NEK7: variants seen among roughly 807,000 people sequenced by gnomAD.
NEK7 encodes serine/threonine-protein kinase Nek7.
Under a neutral mutation model 44.6 loss-of-function variants are expected in NEK7, and 18 were observed. The ratio of observed to expected loss-of-function variants is 0.40; its 90% confidence interval spans 0.28 to 0.60. NEK7 has a LOEUF of 0.60. NEK7 is among the 20% of genes least tolerant of loss of function. The probability of loss-of-function intolerance (pLI) is 0.38; values close to 1 mark genes in which losing one functional copy is unlikely to be tolerated. For missense variants in NEK7, 256 were observed against 366.5 expected (o/e 0.70, Z 2.46); for synonymous variants, 130 against 121.1 (o/e 1.07, Z -0.48).
intron 8 of NEK7, among the ~76,000 whole-genome samples, chr1:198,293,470 A>G (rs1654619930): frequency 6.6e-6 from 1 of 151,916 alleles, no homozygotes; most frequent in South Asian, 2.1e-4. Flanking sequence ...TAAGGATAGT[A>G]TGCAAACAGA....
At chr1:198,227,810 C>G (rs1182075291) in intron 1 of NEK7, among the ~76,000 whole-genome samples, 1 of 152,122 alleles carries the variant, frequency 6.6e-6, no homozygotes, top group African/African-American at 2.4e-5. Context: ...TTCTCCCATT[C>G]TGTAGGCTGC....
chr1:198,256,182 C>A, intron 3 of NEK7: 1 of 944,486 alleles, frequency 1.1e-6, no homozygotes, highest in Non-Finnish European at 1.5e-6. Flanking sequence ...TCATTCATTT[C>A]TCTGCTTACA....
chr1:198,221,965 G>GT (rs1263928842), intron 1 of NEK7, among the ~76,000 whole-genome samples: 1 of 151,164 alleles, frequency 6.6e-6, no homozygotes, highest in Non-Finnish European at 1.5e-5. Context: ...GTTGAGAACT[G>GT]TATCATTTGT....
intron 9 of NEK7, among the ~76,000 whole-genome samples, chr1:198,318,386 T>C (rs1367359543): frequency 6.6e-6 from 1 of 152,182 alleles, no homozygotes; most frequent in African/African-American, 2.4e-5. Flanking sequence ...ATTAGCCTTC[T>C]CCATAGCACT....
intron 1 of NEK7, among the ~76,000 whole-genome samples, chr1:198,219,619 G>A (rs6691189): frequency 0.34 from 51,042 of 151,604 alleles, 9,835 homozygotes; most frequent in East Asian, 0.8. Context: ...ATACTATTCC[G>A]GTGACAGGTG....
chr1:198,273,353 T>C (rs1164330684), intron 5 of NEK7, among the ~76,000 whole-genome samples: 1 of 151,776 alleles, frequency 6.6e-6, no homozygotes, highest in Non-Finnish European at 1.5e-5. Context: ...TTTCCCACAA[T>C]TATGTATAGC....
chr1:198,224,257 T>C (rs1374712570), intron 1 of NEK7, among the ~76,000 whole-genome samples: 2 of 152,078 alleles, frequency 1.3e-5, no homozygotes, highest in African/African-American at 2.4e-5. Flanking sequence ...ATAATGTTTG[T>C]AGTGCAATGC....
At chr1:198,212,747 A>T (rs1173820808) in intron 1 of NEK7, among the ~76,000 whole-genome samples, 1 of 152,234 alleles carries the variant, frequency 6.6e-6, no homozygotes, top group African/African-American at 2.4e-5. Context: ...GGCAAGCAGA[A>T]AATCTGCTGT....
At chr1:198,252,357 T>C (rs1160208930) in intron 2 of NEK7, among the ~76,000 whole-genome samples, 1 of 151,604 alleles carries the variant, frequency 6.6e-6, no homozygotes, top group Non-Finnish European at 1.5e-5. Context: ...TTCTGTTGAT[T>C]TAGGTTGGAG....
chr1:198,198,121 TC>T, intron 1 of NEK7: 1 of 1,079,280 alleles, frequency 9.3e-7, no homozygotes, highest in Non-Finnish European at 1.4e-6. Flanking sequence ...GATTGGAACC[TC>T]CAGGGTACCC....
intron 9 of NEK7, among the ~76,000 whole-genome samples, chr1:198,298,553 C>T (rs1654780559): frequency 6.6e-6 from 1 of 152,102 alleles, no homozygotes; most frequent in Non-Finnish European, 1.5e-5. Flanking sequence ...TTTTTAATTA[C>T]TATTTTGGGT....
intron 9 of NEK7, among the ~76,000 whole-genome samples, chr1:198,299,491 G>A (rs1654817010): frequency 1.4e-5 from 2 of 147,018 alleles, no homozygotes; most frequent in Non-Finnish European, 3.0e-5. Flanking sequence ...TGTTAGTATG[G>A]CAAAATACAG....
chr1:198,210,914 G>A (rs1361372896), intron 1 of NEK7, among the ~76,000 whole-genome samples: 5 of 151,140 alleles, frequency 3.3e-5, no homozygotes, highest in African/African-American at 9.7e-5. Flanking sequence ...CACTACGCCC[G>A]GCTAATTTTT....
At chr1:198,251,902 C>CT (rs1419087936) in intron 2 of NEK7, among the ~76,000 whole-genome samples, 1 of 152,044 alleles carries the variant, frequency 6.6e-6, no homozygotes, top group Non-Finnish European at 1.5e-5. Flanking sequence ...TTAGTTATTT[C>CT]TTGCCTTGTG....
At chr1:198,255,427 G>T (rs1653222558) in intron 3 of NEK7, among the ~76,000 whole-genome samples, 1 of 152,002 alleles carries the variant, frequency 6.6e-6, no homozygotes, top group Non-Finnish European at 1.5e-5. Flanking sequence ...GGAAAACAGG[G>T]CTCAATTCTG....
At chr1:198,179,540 A>T (rs1664697502) in intron 1 of NEK7, among the ~76,000 whole-genome samples, 1 of 152,112 alleles carries the variant, frequency 6.6e-6, no homozygotes, top group South Asian at 2.1e-4. Context: ...GTACAGCAAG[A>T]TGCATGAGGA....
rs149256036 is a variant in NEK7, at chr1:198,184,208, C to T, written c.-29+26932C>T. 3.1e-3 allele frequency among the ~76,000 whole-genome samples: 466 copies of T among 152,282 alleles called. 2 individuals carry two copies. Among genetic ancestry groups the T allele is most frequent in the African/African-American group, 0.01 (425 of 41,542 alleles). On this transcript the variant is annotated intron_variant, in intron 1 of 9. Coordinates refer to ENST00000367385, the MANE Select transcript of NEK7 (RefSeq NM_133494.3). The stretch of plus-strand genomic sequence containing the variant: ...TAGTATGCAAGGATTTGACTTTATT[C>T]ACTGGGCAATTTTCACAAATGACAA...
intron 9 of NEK7, among the ~76,000 whole-genome samples, chr1:198,299,090 A>AT (rs1654798533): frequency 6.6e-6 from 1 of 152,258 alleles, no homozygotes; most frequent in Admixed American, 6.5e-5. Context: ...CTGTAAAGCA[A>AT]AACACATTAT....
At chr1:198,159,882 G>A (rs574488395) in intron 1 of NEK7, among the ~76,000 whole-genome samples, 1 of 152,284 alleles carries the variant, frequency 6.6e-6, no homozygotes, top group South Asian at 2.1e-4. Context: ...GTAATGACCA[G>A]AAGTCCAGTG....
Sources: gnomAD v4.1 joint callset for allele counts (sites outside exome capture counted in the v4.1 genomes callset) on GRCh38, gnomAD v4.1.1 for gene constraint, MANE v1.5 for transcripts, NCBI Gene and HGNC (gene_info 2026-07-23, HGNC 2026-07-21) for gene names.